The following SCHIP1 variants were observed in gnomAD, a reference collection of about 807,000 sequenced individuals.
SCHIP1 encodes the protein schwannomin interacting protein 1.
A neutral mutation model predicts 29.7 loss-of-function variants in SCHIP1; 8 were observed. The ratio of observed to expected loss-of-function variants is 0.27; its 90% CI spans 0.16 to 0.49. The LOEUF (loss-of-function observed/expected upper bound fraction) is 0.49. Ranked by LOEUF, SCHIP1 falls within the 20% of genes least tolerant of loss-of-function variation. The pLI is 0.99. For synonymous variants in SCHIP1, 76 were observed against 94.9 expected, an observed-to-expected ratio of 0.80 and a Z score of 1.16; for missense variants, 193 against 294.6, an observed-to-expected ratio of 0.66 and a Z score of 2.52.
At chr3:159,798,402 ACT>A in the SCHIP1 span, among the ~76,000 whole-genome samples, 2 of 152,176 alleles carry the variant, frequency 1.3e-5, no homozygotes, top group Middle Eastern at 3.2e-3. Context: ...GCTCAAAATT[ACT>A]GTTAGTTATT....
the SCHIP1 span, among the ~76,000 whole-genome samples, chr3:159,624,230 C>G: frequency 6.6e-6 from 1 of 152,128 alleles, no homozygotes; most frequent in Non-Finnish European, 1.5e-5. Flanking sequence ...GTTCCATATT[C>G]CAGATCAAGA....
At chr3:159,613,573 A>G in the SCHIP1 span, among the ~76,000 whole-genome samples, 5 of 152,228 alleles carry the variant, frequency 3.3e-5, no homozygotes, top group African/African-American at 1.2e-4. Flanking sequence ...AGGTGATTTT[A>G]TGACCTACGG....
the SCHIP1 span, among the ~76,000 whole-genome samples, chr3:159,363,815 G>T: frequency 1.3e-5 from 2 of 152,068 alleles, no homozygotes; most frequent in Admixed American, 6.6e-5. Flanking sequence ...TCCCTATTTT[G>T]CCAGAAAAAT....
the SCHIP1 span, among the ~76,000 whole-genome samples, chr3:159,585,560 C>G: frequency 1.3e-5 from 2 of 152,022 alleles, no homozygotes; most frequent in Non-Finnish European, 2.9e-5. Context: ...TGTATTTTTG[C>G]CTTTCAGGTT....
chr3:159,435,714 T>G, the SCHIP1 span, among the ~76,000 whole-genome samples: 2 of 152,146 alleles, frequency 1.3e-5, no homozygotes, highest in African/African-American at 4.8e-5. Flanking sequence ...AATAAGACCA[T>G]GTTTGTGTTC....
chr3:159,457,387 G>A, the SCHIP1 span, among the ~76,000 whole-genome samples: 31 of 144,776 alleles, frequency 2.1e-4, no homozygotes, highest in African/African-American at 6.0e-4. Context: ...TTATGCTTGT[G>A]CTGTTTCTGT....
chr3:159,409,654 G>T, the SCHIP1 span, among the ~76,000 whole-genome samples: 4 of 152,122 alleles, frequency 2.6e-5, no homozygotes, highest in South Asian at 8.3e-4. Flanking sequence ...AATATGGAAA[G>T]ATATTCCATG....
At chr3:159,509,432 A>C in the SCHIP1 span, among the ~76,000 whole-genome samples, 7 of 152,106 alleles carry the variant, frequency 4.6e-5, no homozygotes, top group Admixed American at 2.6e-4. Flanking sequence ...ATTTGCCAGT[A>C]TGTGTCTTTT....
the SCHIP1 span, among the ~76,000 whole-genome samples, chr3:159,433,556 A>G: frequency 6.6e-6 from 1 of 152,212 alleles, no homozygotes; most frequent in South Asian, 2.1e-4. Context: ...CATGTCTTTC[A>G]TATACTGATT....
chr3:159,616,158 A>G, the SCHIP1 span, among the ~76,000 whole-genome samples: 2 of 152,178 alleles, frequency 1.3e-5, no homozygotes, highest in Admixed American at 1.3e-4. Context: ...TTTGGGGCTT[A>G]CAAGCTCTGG....
chr3:159,729,421 T>C, the SCHIP1 span, among the ~76,000 whole-genome samples: 2 of 152,162 alleles, frequency 1.3e-5, no homozygotes, highest in Non-Finnish European at 2.9e-5. Flanking sequence ...GCCAAAGTGA[T>C]AATTATTTAC....
chr3:159,789,579 G>A, the SCHIP1 span, among the ~76,000 whole-genome samples: 1 of 152,102 alleles, frequency 6.6e-6, no homozygotes. Context: ...AAACACAATT[G>A]CTGGGCTCCA....
the SCHIP1 span, among the ~76,000 whole-genome samples, chr3:159,491,023 T>C: frequency 6.6e-6 from 1 of 152,132 alleles, no homozygotes; most frequent in Admixed American, 6.5e-5. Context: ...TCATTAAAAT[T>C]AGTAGTTTGG....
At chr3:159,387,366 AG>A in the SCHIP1 span, 20 of 390,174 alleles carry the variant, frequency 5.1e-5, no homozygotes. Flanking sequence ...GATCTCTTCC[AG>A]GGACTTGATC....
At chr3:159,432,333 TGTGTGTGAGAGAGA>T in the SCHIP1 span, among the ~76,000 whole-genome samples, 6,762 of 82,160 alleles carry the variant, frequency 0.082, 161 homozygotes, top group Non-Finnish European at 0.091. Flanking sequence ...TGTGTGTGTG[TGTGTGTGAGAGAGA>T]GAGAGAGAGA....
chr3:159,878,027 C>A (rs965690258), intron 2 of SCHIP1, among the ~76,000 whole-genome samples: 1 of 152,200 alleles, frequency 6.6e-6, no homozygotes, highest in African/African-American at 2.4e-5. Flanking sequence ...CCCACCACCT[C>A]CAGCACCCTG....
chr3:159,285,997 T>A, the SCHIP1 span, among the ~76,000 whole-genome samples: 1 of 152,204 alleles, frequency 6.6e-6, no homozygotes, highest in African/African-American at 2.4e-5. Flanking sequence ...GACATATGCA[T>A]TGTTTTGTGA....
the SCHIP1 span, among the ~76,000 whole-genome samples, chr3:159,668,170 C>A: frequency 1.3e-5 from 2 of 151,830 alleles, no homozygotes; most frequent in African/African-American, 4.8e-5. Flanking sequence ...GAGATTGAGA[C>A]CATCCTGGCT....
chr3:159,876,916 TTTG>T (rs1715884421), intron 2 of SCHIP1, among the ~76,000 whole-genome samples: 1 of 152,178 alleles, frequency 6.6e-6, no homozygotes. Context: ...ATGCTGGAGC[TTTG>T]TTGTTCTTGT....
Sources: allele counts gnomAD v4.1 joint callset (sites outside exome capture counted in the v4.1 genomes callset), GRCh38; gene constraint gnomAD v4.1.1; transcripts MANE v1.5; gene names NCBI Gene and HGNC (gene_info 2026-07-23, HGNC 2026-07-21).